LARGE1: variants seen among roughly 807,000 people sequenced by gnomAD.
LARGE1 encodes xylosyl- and glucuronyltransferase LARGE1.
LARGE1 carries 43 observed loss-of-function variants against 87.6 expected under a neutral mutation model. The observed-to-expected ratio is 0.49, with a 90% CI of 0.38 to 0.63. The LOEUF (loss-of-function observed/expected upper bound fraction) is 0.63, where lower values mean the gene tolerates loss of function less well. LARGE1 is among the 30% of genes least tolerant of loss of function. The pLI is 0.00. For missense variants in LARGE1, 802 were observed against 1,000.2 expected (o/e 0.80, Z 2.67); for synonymous variants, 434 against 394.6 (o/e 1.10, Z -1.18).
At chr22:33,415,592 G>C (rs958552270) in intron 7 of LARGE1, among the ~76,000 whole-genome samples, 1 of 152,184 alleles carries the variant, frequency 6.6e-6, no homozygotes, top group African/African-American at 2.4e-5. Context: ...TAGCTGCTCA[G>C]TTTAATTAGA....
chr22:33,128,623 G>A, the LARGE1 span, among the ~76,000 whole-genome samples: 8 of 147,986 alleles, frequency 5.4e-5, no homozygotes, highest in African/African-American at 1.7e-4. Context: ...GCAGTGAGCC[G>A]AGATTATGCC....
rs535119780 is a variant in LARGE1 at position 33,674,235 on chromosome 22, C to T, written c.107-23567G>A. Among the ~76,000 whole-genome samples, 14 of 152,294 alleles carry T rather than the reference C, an allele frequency of 9.2e-5. No homozygotes were observed. The East Asian group carries it at 2.5e-3, about 27-fold the overall frequency. On this transcript the variant is annotated intron_variant, in intron 2 of 14. Transcript: ENST00000397394. ...CTGGGATTATAGGTGTGAGCCACCA[C>T]ACCCAGCCAACTTCCCATTCTTCCC... is the stretch of plus-strand genomic sequence containing the variant.
chr22:33,602,629 A>T (rs1160840195), intron 5 of LARGE1, among the ~76,000 whole-genome samples: 1 of 151,700 alleles, frequency 6.6e-6, no homozygotes, highest in East Asian at 1.9e-4. Context: ...CTCAGCCTCC[A>T]GAGCAGCTTA....
intron 11 of LARGE1, among the ~76,000 whole-genome samples, chr22:33,172,519 T>A (rs1318831220): frequency 1.3e-5 from 2 of 152,118 alleles, no homozygotes; most frequent in Non-Finnish European, 2.9e-5. Flanking sequence ...CCTTCCTTCA[T>A]GATTGTAAGC....
intron 2 of LARGE1, among the ~76,000 whole-genome samples, chr22:33,715,901 A>G (rs368583942): frequency 1.2e-4 from 19 of 152,342 alleles, no homozygotes; most frequent in African/African-American, 3.8e-4. Context: ...CTGTTCTGAA[A>G]CCAGCACTAA....
chr22:33,514,282 CCACACACA>C (rs60301225), intron 6 of LARGE1, among the ~76,000 whole-genome samples: 3 of 147,862 alleles, frequency 2.0e-5, no homozygotes, highest in Non-Finnish European at 4.5e-5. Context: ...CTATGTGTGT[CCACACACA>C]CACACACACA....
intron 6 of LARGE1, among the ~76,000 whole-genome samples, chr22:33,486,391 G>A (rs916692915): frequency 2.0e-5 from 3 of 152,198 alleles, no homozygotes; most frequent in Non-Finnish European, 4.4e-5. Flanking sequence ...TTTACAAAGT[G>A]CTTTTGCTTT....
At chr22:33,739,089 T>C (rs956299270) in intron 2 of LARGE1, among the ~76,000 whole-genome samples, 5 of 151,904 alleles carry the variant, frequency 3.3e-5, no homozygotes, top group African/African-American at 1.2e-4. Flanking sequence ...AGTTTCCTTA[T>C]TGGAAAAATG....
rs75912077 is a variant in LARGE1 at position 33,290,485 on chromosome 22, A to T, written c.1731-7137T>A. On this transcript the variant is annotated intron_variant, in intron 12 of 14. Coordinates refer to ENST00000397394, the MANE Select transcript of LARGE1 (RefSeq NM_133642.5). ...GGTAGAACGAGAAGAGGAGCCAGCAATGGGAACTCCTGGGAGGGACCAAGA... is the reference window on the plus strand; with the variant it reads ...GGTAGAACGAGAAGAGGAGCCAGCATTGGGAACTCCTGGGAGGGACCAAGA... Among the ~76,000 whole-genome samples the T allele has an allele frequency of 7.7e-3, 1,179 of 152,332 alleles. 16 individuals carry two copies. Among genetic ancestry groups the T allele is most frequent in the African/African-American group, 0.027 (1,123 of 41,580 alleles).
At chr22:33,068,897 G>A in the LARGE1 span, among the ~76,000 whole-genome samples, 1 of 152,142 alleles carries the variant, frequency 6.6e-6, no homozygotes, top group African/African-American at 2.4e-5. Flanking sequence ...GGGCTCTCTG[G>A]GTGGACTCAG....
At chr22:33,905,044 G>GTT (rs34572730) in intron 1 of LARGE1, among the ~76,000 whole-genome samples, 29 of 126,774 alleles carry the variant, frequency 2.3e-4, no homozygotes, top group South Asian at 5.5e-4. Flanking sequence ...AGGTATTTAA[G>GTT]TTTTTTTTTT....
chr22:33,234,760 T>C (rs978846153), intron 11 of LARGE1, among the ~76,000 whole-genome samples: 2 of 152,066 alleles, frequency 1.3e-5, no homozygotes, highest in Non-Finnish European at 2.9e-5. Flanking sequence ...AGGCTGGTCT[T>C]GAACTCCCCA....
chr22:33,315,686 G>A (rs935969300), intron 11 of LARGE1, among the ~76,000 whole-genome samples: 3 of 151,910 alleles, frequency 2.0e-5, no homozygotes, highest in Non-Finnish European at 4.4e-5. Flanking sequence ...CTGGAGTGCA[G>A]TGTCACGATC....
In LARGE1 at chr22:33,783,679, A is replaced by G. The variant is rs1312836985; in HGVS notation, c.-82-22121T>C. Among the ~76,000 whole-genome samples the G allele has an allele frequency of 6.6e-5, 10 of 152,224 alleles. No individual in the cohort carries two copies. The East Asian group carries it at 1.9e-3, about 29-fold the overall frequency. On this transcript the variant is annotated intron_variant, in intron 1 of 14. Coordinates refer to ENST00000397394, the MANE Select transcript of LARGE1 (RefSeq NM_133642.5). The stretch of plus-strand genomic sequence containing the variant: ...TTGTTATTGTTGTTGTTGTTGATTT[A>G]ATCAAACAAGTATCCATTGTGGCCT...
intron 7 of LARGE1, among the ~76,000 whole-genome samples, chr22:33,394,000 A>G (rs2065626811): frequency 6.6e-6 from 1 of 152,080 alleles, no homozygotes; most frequent in Non-Finnish European, 1.5e-5. Flanking sequence ...CAGGGAAAGA[A>G]AAGTAGGTAT....
At chr22:33,544,963 A>G (rs2077314864) in intron 6 of LARGE1, among the ~76,000 whole-genome samples, 1 of 152,186 alleles carries the variant, frequency 6.6e-6, no homozygotes, top group African/African-American at 2.4e-5. Flanking sequence ...ACAGAAAAAC[A>G]GTCATTCTGC....
chr22:33,538,681 AC>A, intron 6 of LARGE1, among the ~76,000 whole-genome samples: 1 of 152,252 alleles, frequency 6.6e-6, no homozygotes, highest in East Asian at 1.9e-4. Flanking sequence ...TCCCCCCACC[AC>A]GTGGCAGCCA....
chr22:33,835,027 A>G (rs971229146), intron 1 of LARGE1, among the ~76,000 whole-genome samples: 1 of 152,178 alleles, frequency 6.6e-6, no homozygotes, highest in African/African-American at 2.4e-5. Context: ...TTTCCAAAGA[A>G]TAACCATGTT....
chr22:33,735,986 C>T (rs1316115537), intron 2 of LARGE1, among the ~76,000 whole-genome samples: 1 of 152,212 alleles, frequency 6.6e-6, no homozygotes, highest in Non-Finnish European at 1.5e-5. Flanking sequence ...CTTGTAATAG[C>T]TGAATAACAT....
Sources: allele counts gnomAD v4.1 joint callset (sites outside exome capture counted in the v4.1 genomes callset), GRCh38; gene constraint gnomAD v4.1.1; transcripts MANE v1.5; gene names NCBI Gene and HGNC (gene_info 2026-07-23, HGNC 2026-07-21).